Variants in FRAS1 observed in about 807,000 individuals in gnomAD.
The protein encoded by FRAS1 is Fraser extracellular matrix complex subunit 1.
In FRAS1, 290 loss-of-function variants were observed where a neutral mutation model predicts 435.2. That is an observed-to-expected ratio of 0.67 (90% CI 0.61 to 0.73). The LOEUF is 0.73. FRAS1 is among the 30% of genes least tolerant of loss of function. The probability of loss-of-function intolerance (pLI) is 0.00; values close to 1 mark genes in which losing one functional copy is unlikely to be tolerated. For synonymous variants in FRAS1, 1,800 were observed against 1,851.0 expected (o/e 0.97, Z 0.71); for missense variants, 4,860 against 5,001.5 (o/e 0.97, Z 0.85).
intron 18 of FRAS1, among the ~76,000 whole-genome samples, chr4:78,328,961 A>G (rs1331093955): frequency 6.6e-6 from 1 of 151,928 alleles, no homozygotes; most frequent in Non-Finnish European, 1.5e-5. Context: ...CTCGTATGAT[A>G]CTCCCCATTC....
At chr4:78,129,925 T>C (rs1719599045) in intron 2 of FRAS1, among the ~76,000 whole-genome samples, 1 of 152,198 alleles carries the variant, frequency 6.6e-6, no homozygotes, top group Non-Finnish European at 1.5e-5. Context: ...CTTCTTGTTG[T>C]TGCTGCCCCT....
intron 2 of FRAS1, among the ~76,000 whole-genome samples, chr4:78,214,304 G>C (rs1024033656): frequency 6.6e-6 from 1 of 152,178 alleles, no homozygotes; most frequent in Non-Finnish European, 1.5e-5. Flanking sequence ...TCTAAATTCT[G>C]TATCTGTCTT....
At chr4:78,491,174 C>G (rs1318867600) in intron 59 of FRAS1, among the ~76,000 whole-genome samples, 3 of 152,002 alleles carry the variant, frequency 2.0e-5, no homozygotes, top group African/African-American at 4.8e-5. Flanking sequence ...AATAGCCTAC[C>G]AACCAAAAAA....
intron 29 of FRAS1, among the ~76,000 whole-genome samples, chr4:78,388,986 A>C (rs1732338715): frequency 6.6e-6 from 1 of 152,240 alleles, no homozygotes; most frequent in African/African-American, 2.4e-5. Flanking sequence ...TCATGGGCTT[A>C]ATGTAGAATT....
At chr4:78,340,352 T>A (rs1730348578) in intron 20 of FRAS1, among the ~76,000 whole-genome samples, 1 of 152,228 alleles carries the variant, frequency 6.6e-6, no homozygotes, top group African/African-American at 2.4e-5. Context: ...TGTAATAGTA[T>A]TTATTATAAA....
At chr4:78,252,590 G>C (rs756189601) in intron 5 of FRAS1, 39 bp downstream of exon 5, 1 of 1,584,768 alleles carries the variant, frequency 6.3e-7, no homozygotes. Flanking sequence ...TCTTTGCTTG[G>C]GAGGTTCACA....
intron 47 of FRAS1, among the ~76,000 whole-genome samples, chr4:78,463,016 C>G (rs917407758): frequency 6.6e-6 from 1 of 152,072 alleles, no homozygotes; most frequent in African/African-American, 2.4e-5. Flanking sequence ...AACAGCAAAT[C>G]AATTTCAGGG....
chr4:78,360,191 G>A (rs1731023819), intron 20 of FRAS1, among the ~76,000 whole-genome samples: 1 of 152,128 alleles, frequency 6.6e-6, no homozygotes, highest in African/African-American at 2.4e-5. Context: ...TGAGAAGGAG[G>A]GCTGCTCAGT....
chr4:78,412,700 C>A (rs1733388758), intron 31 of FRAS1, among the ~76,000 whole-genome samples: 1 of 152,006 alleles, frequency 6.6e-6, no homozygotes, highest in Non-Finnish European at 1.5e-5. Flanking sequence ...TTCACTATTT[C>A]TAGATAGTGA....
At chr4:78,249,048 G>GCATATATATATATGC (rs1553934018) in intron 4 of FRAS1, among the ~76,000 whole-genome samples, 5 of 27,528 alleles carry the variant, frequency 1.8e-4, no homozygotes, top group African/African-American at 4.2e-4. Flanking sequence ...AAGAACTACT[G>GCATATATATATATGC]ATATATATAT....
At chr4:78,347,937 G>A (rs969774552) in intron 20 of FRAS1, among the ~76,000 whole-genome samples, 4 of 152,118 alleles carry the variant, frequency 2.6e-5, no homozygotes, top group Non-Finnish European at 2.9e-5. Context: ...CTTTTGTGGA[G>A]CTAAACTGAG....
intron 2 of FRAS1, among the ~76,000 whole-genome samples, chr4:78,144,646 T>C (rs1395005923): frequency 1.3e-5 from 2 of 152,102 alleles, no homozygotes; most frequent in South Asian, 2.1e-4. Context: ...CAGATAACAA[T>C]TGTTATTGTT....
At chr4:78,218,917 C>T (rs1398144693) in intron 2 of FRAS1, among the ~76,000 whole-genome samples, 2 of 152,138 alleles carry the variant, frequency 1.3e-5, no homozygotes, top group African/African-American at 4.8e-5. Context: ...AATTCTTTAT[C>T]CTTTCAATTC....
chr4:78,263,440 G>A (rs1378237), intron 6 of FRAS1, among the ~76,000 whole-genome samples: 143,102 of 152,300 alleles, frequency 0.94, 67,741 homozygotes, highest in Non-Finnish European at 1. Flanking sequence ...CCCTGCATAC[G>A]CTCACGGGGA....
At position 78,334,363 on chromosome 4, in the gene FRAS1, C is replaced by CTTT. The variant is rs1007481617; in HGVS notation, c.2278+975_2278+977dup. Among the ~76,000 whole-genome samples, 538 of 92,320 alleles carry CTTT rather than the reference C, an allele frequency of 5.8e-3. 31 individuals are homozygous for CTTT. The highest frequency in any genetic ancestry group is 0.019 in the African/African-American group (429 of 22,162). 60.6% of individuals were successfully genotyped at this position (92,320 alleles called of 152,430 possible). On this transcript the variant is annotated intron_variant, in intron 19 of 73. Transcript: ENST00000512123. ...AAAACATAAAGTCATAACCAATTTT[C>CTTT]TTTTTTTTTTTTTTTTTTTTTTTTT...
chr4:78,375,945 T>C, intron 26 of FRAS1, 66 bp downstream of exon 26: 2 of 1,558,012 alleles, frequency 1.3e-6, no homozygotes, highest in Non-Finnish European at 1.8e-6. Flanking sequence ...AGGCTGAGTT[T>C]GCAGACATAA....
intron 4 of FRAS1, among the ~76,000 whole-genome samples, chr4:78,250,069 AT>A (rs1156602114): frequency 1.4e-4 from 22 of 152,196 alleles, no homozygotes; most frequent in Non-Finnish European, 2.2e-4. Flanking sequence ...TAGTCTTTAA[AT>A]TAAGACATTA....
At chr4:78,067,531 C>T (rs1358721195) in intron 2 of FRAS1, among the ~76,000 whole-genome samples, 1 of 152,054 alleles carries the variant, frequency 6.6e-6, no homozygotes, top group African/African-American at 2.4e-5. Flanking sequence ...GTACCATGCC[C>T]TAGCTGATCC....
At chr4:78,518,450 A>ATATATATATATATATATTTATT (rs1487744216) in intron 66 of FRAS1, among the ~76,000 whole-genome samples, 25 of 69,334 alleles carry the variant, frequency 3.6e-4, no homozygotes, top group African/African-American at 8.3e-4. Flanking sequence ...ATATATATAT[A>ATATATATATATATATATTTATT]TATTTATTTA....
Sources: gnomAD v4.1 joint callset for allele counts (sites outside exome capture counted in the v4.1 genomes callset) on GRCh38, gnomAD v4.1.1 for gene constraint, MANE v1.5 for transcripts, NCBI Gene and HGNC (gene_info 2026-07-23, HGNC 2026-07-21) for gene names.